UNC5C: variants seen among roughly 807,000 people sequenced by gnomAD.
The protein encoded by UNC5C is netrin receptor UNC5C.
A neutral mutation model predicts 99.8 loss-of-function variants in UNC5C; 47 were observed. That is an observed-to-expected ratio of 0.47 (90% CI 0.37 to 0.60). UNC5C has a LOEUF of 0.60. UNC5C is among the 20% of genes least tolerant of loss of function. The pLI, the probability that UNC5C is intolerant of heterozygous loss-of-function variation, is 0.00. For missense variants in UNC5C, 1,062 were observed against 1,165.9 expected, an observed-to-expected ratio of 0.91 and a Z score of 1.30; for synonymous variants, 487 against 452.2, an observed-to-expected ratio of 1.08 and a Z score of -0.98.
intron 4 of UNC5C, among the ~76,000 whole-genome samples, chr4:95,262,862 T>G (rs1180702542): frequency 1.3e-5 from 2 of 152,032 alleles, no homozygotes; most frequent in African/African-American, 4.8e-5. Context: ...TCGCCCAGGC[T>G]GGAGTGCAAT....
At chr4:95,362,414 G>A (rs759807628) in intron 1 of UNC5C, among the ~76,000 whole-genome samples, 5 of 152,106 alleles carry the variant, frequency 3.3e-5, no homozygotes, top group Non-Finnish European at 7.3e-5. Context: ...TGGCCATCTT[G>A]ATGTGGGATG....
At chr4:95,445,450 TAAC>T (rs777515149) in intron 1 of UNC5C, among the ~76,000 whole-genome samples, 1 of 152,174 alleles carries the variant, frequency 6.6e-6, no homozygotes, top group Admixed American at 6.5e-5. Flanking sequence ...CCGCTCTTGA[TAAC>T]AACAGTCCTG....
chr4:95,442,708 A>G (rs1186828700), intron 1 of UNC5C, among the ~76,000 whole-genome samples: 1 of 152,166 alleles, frequency 6.6e-6, no homozygotes, highest in Non-Finnish European at 1.5e-5. Flanking sequence ...CTTATATAGA[A>G]TCAATCACAA....
chr4:95,296,677 A>G (rs1372160753), intron 3 of UNC5C, among the ~76,000 whole-genome samples: 1 of 152,190 alleles, frequency 6.6e-6, no homozygotes. Flanking sequence ...GGCAATTTTA[A>G]GTATATATTG....
At chr4:95,297,302 C>G (rs995864188) in intron 3 of UNC5C, among the ~76,000 whole-genome samples, 1 of 152,178 alleles carries the variant, frequency 6.6e-6, no homozygotes, top group Non-Finnish European at 1.5e-5. Flanking sequence ...GCATGTATGA[C>G]TCCATTTCAC....
chr4:95,461,395 T>C (rs2149471090), intron 1 of UNC5C, among the ~76,000 whole-genome samples: 1 of 133,042 alleles, frequency 7.5e-6, no homozygotes, highest in Non-Finnish European at 1.6e-5. Context: ...TACTGTATTG[T>C]GAACATATTG....
chr4:95,506,989 G>A (rs542090832), intron 1 of UNC5C, among the ~76,000 whole-genome samples: 121 of 151,830 alleles, frequency 8.0e-4, no homozygotes, highest in African/African-American at 2.8e-3. Flanking sequence ...CATATACACA[G>A]AAACACACAT....
intron 1 of UNC5C, among the ~76,000 whole-genome samples, chr4:95,443,465 G>C (rs752055078): frequency 2.6e-5 from 4 of 152,096 alleles, no homozygotes; most frequent in Non-Finnish European, 5.9e-5. Context: ...AAATGACTGA[G>C]GGTCTCTGTT....
intron 3 of UNC5C, among the ~76,000 whole-genome samples, chr4:95,291,444 A>G (rs1400285303): frequency 6.6e-6 from 1 of 152,218 alleles, no homozygotes; most frequent in Non-Finnish European, 1.5e-5. Context: ...AACATACTTT[A>G]ATAACACATT....
intron 12 of UNC5C, among the ~76,000 whole-genome samples, chr4:95,197,503 A>C (rs1737478150): frequency 6.6e-6 from 1 of 152,164 alleles, no homozygotes; most frequent in Non-Finnish European, 1.5e-5. Context: ...TTTTCATCAG[A>C]GTCAGATGAA....
At chr4:95,192,838 TTCCAG>T (rs1737209303) in intron 12 of UNC5C, among the ~76,000 whole-genome samples, 1 of 152,176 alleles carries the variant, frequency 6.6e-6, no homozygotes, top group African/African-American at 2.4e-5. Flanking sequence ...GTGTTATGCC[TTCCAG>T]TTTTTCAAGG....
At chr4:95,253,836 T>G (rs1739850019) in intron 4 of UNC5C, among the ~76,000 whole-genome samples, 1 of 152,180 alleles carries the variant, frequency 6.6e-6, no homozygotes, top group Admixed American at 6.5e-5. Context: ...CCTCCTGTGC[T>G]GTAATACCAG....
chr4:95,337,081 A>AT (rs577029961), intron 1 of UNC5C, among the ~76,000 whole-genome samples: 51 of 151,672 alleles, frequency 3.4e-4, no homozygotes, highest in Non-Finnish European at 6.8e-4. Context: ...GTCTTAACCA[A>AT]TTTTTTTTCT....
At chr4:95,312,173 A>G (rs1252764873) in intron 2 of UNC5C, among the ~76,000 whole-genome samples, 1 of 152,160 alleles carries the variant, frequency 6.6e-6, no homozygotes, top group African/African-American at 2.4e-5. Flanking sequence ...TATGAAGATA[A>G]TTCTTAAGCA....
intron 1 of UNC5C, among the ~76,000 whole-genome samples, chr4:95,367,362 A>G (rs1044700407): frequency 2.6e-5 from 4 of 151,748 alleles, no homozygotes; most frequent in Non-Finnish European, 4.4e-5. Context: ...GTTTTTCCTT[A>G]GAGACTGGGT....
chr4:95,435,591 C>CA (rs1746758836), intron 1 of UNC5C, among the ~76,000 whole-genome samples: 1 of 152,028 alleles, frequency 6.6e-6, no homozygotes, highest in Admixed American at 6.6e-5. Context: ...AAAATACATA[C>CA]ACATAACCCT....
At chr4:95,328,819 G>C (rs1743003463) in intron 2 of UNC5C, among the ~76,000 whole-genome samples, 1 of 152,150 alleles carries the variant, frequency 6.6e-6, no homozygotes, top group Non-Finnish European at 1.5e-5. Flanking sequence ...GCCGGGCAGA[G>C]ACACAACCAA....
chr4:95,222,727 A>T (rs950580368), intron 7 of UNC5C, among the ~76,000 whole-genome samples: 1 of 152,140 alleles, frequency 6.6e-6, no homozygotes, highest in Non-Finnish European at 1.5e-5. Context: ...AAGACCTGTC[A>T]TCATTGGTCA....
chr4:95,260,125 C>G (rs1303048997), intron 4 of UNC5C, among the ~76,000 whole-genome samples: 2 of 152,132 alleles, frequency 1.3e-5, no homozygotes, highest in Non-Finnish European at 2.9e-5. Context: ...CATCTTTTTC[C>G]TCATTAAACT....
Sources: gnomAD v4.1 joint callset for allele counts (sites outside exome capture counted in the v4.1 genomes callset) on GRCh38, gnomAD v4.1.1 for gene constraint, MANE v1.5 for transcripts, NCBI Gene and HGNC (gene_info 2026-07-23, HGNC 2026-07-21) for gene names.